Variants in CFI observed in about 807,000 individuals in gnomAD.
CFI encodes the protein complement factor I, also known as C3B/C4B inactivator.
Under a neutral mutation model 78.8 loss-of-function variants are expected in CFI, and 66 were observed. The observed-to-expected ratio is 0.84, with a 90% CI of 0.69 to 1.03. CFI has a LOEUF of 1.03. CFI is among the 50% of genes least tolerant of loss of function. CFI has a pLI of 0.00. For synonymous variants in CFI, 250 were observed against 232.6 expected (o/e 1.07, Z -0.68); for missense variants, 706 against 704.5 (o/e 1.00, Z -0.02).
At chr4:109,779,864 A>G (rs1441807617) in intron 1 of CFI, among the ~76,000 whole-genome samples, 1 of 152,172 alleles carries the variant, frequency 6.6e-6, no homozygotes, top group Non-Finnish European at 1.5e-5. Context: ...GACAAACCTG[A>G]CAACAAGAAA....
intron 7 of CFI, 60 bp from the exon 8 acceptor site, chr4:109,752,563 A>G (rs768444068): frequency 3.8e-5 from 53 of 1,383,526 alleles, no homozygotes; most frequent in Non-Finnish European, 4.7e-5. Flanking sequence ...AAATGAAATC[A>G]TTAAAATCAT....
At chr4:109,763,346 C>T (rs746484264) in intron 3 of CFI, among the ~76,000 whole-genome samples, 4 of 151,952 alleles carry the variant, frequency 2.6e-5, no homozygotes, top group South Asian at 2.1e-4. Context: ...AAATATAATG[C>T]ATAATTTTCA....
the CFI span, among the ~76,000 whole-genome samples, chr4:109,732,779 C>T: frequency 6.6e-6 from 1 of 150,800 alleles, no homozygotes. Flanking sequence ...ATGGCGTGAA[C>T]CCGGGAGGCA....
intron 12 of CFI, chr4:109,741,362 G>T (rs901631826): frequency 9.1e-6 from 9 of 985,234 alleles, no homozygotes; most frequent in Admixed American, 6.2e-5. Flanking sequence ...ATACGACTGA[G>T]TACTGAGATG....
At chr4:109,733,334 G>A in the CFI span, among the ~76,000 whole-genome samples, 1 of 152,260 alleles carries the variant, frequency 6.6e-6, no homozygotes, top group Non-Finnish European at 1.5e-5. Flanking sequence ...GGCATAAACT[G>A]TTTGAAAAGA....
chr4:109,746,058 C>T (rs927897314), intron 11 of CFI, among the ~76,000 whole-genome samples, 164 bp downstream of exon 11: 3 of 152,206 alleles, frequency 2.0e-5, no homozygotes, highest in Non-Finnish European at 2.9e-5. Flanking sequence ...TGCTGGGCAG[C>T]TGCACATGCT....
At chr4:109,737,417 T>A (rs1463134502), downstream of CFI, among the ~76,000 whole-genome samples, 1 of 152,178 alleles carries the variant, frequency 6.6e-6, no homozygotes, top group Non-Finnish European at 1.5e-5. Flanking sequence ...CTTTAATATG[T>A]CAGGCTGGTT....
At chr4:109,785,206 G>A (rs1358017567) in intron 1 of CFI, among the ~76,000 whole-genome samples, 1 of 152,022 alleles carries the variant, frequency 6.6e-6, no homozygotes, top group Non-Finnish European at 1.5e-5. Context: ...TGATTAAAAA[G>A]CTTTATTGCT....
At position 109,761,530 on chromosome 4, in the gene CFI, A is replaced by G. The variant is rs140824635; in HGVS notation, c.645T>C (p.Tyr215=). Residue 215 remains tyrosine, a synonymous_variant, in exon 4 of 13, where the codon TAT becomes TAC. Coordinates refer to ENST00000394634, the MANE Select transcript of CFI (RefSeq NM_000204.5). The part of the protein sequence containing the change: ...GYQDFADVVC[Y]TQKADSPMDD... ...TACTCCACCAACCTGCTTTCTGTGT[A>G]TAACAAACCACATCAGCGAAATCCT... 2.0e-5 allele frequency: 33 copies of G among 1,614,030 alleles called. No homozygotes were observed. The highest frequency in any genetic ancestry group is 2.7e-5 in the African/African-American group (2 of 74,926).
intron 1 of CFI, among the ~76,000 whole-genome samples, chr4:109,791,330 T>C (rs1166215740): frequency 2.0e-5 from 3 of 152,276 alleles, no homozygotes; most frequent in East Asian, 3.9e-4. Flanking sequence ...TCCTTATAGA[T>C]ACTAGATATT....
chr4:109,759,980 T>G lies in CFI; in HGVS notation c.883+290A>C, dbSNP rs116750895. The G allele has an allele frequency of 0.053, 27,455 of 522,320 alleles. 872 individuals are homozygous for G. The highest frequency in any genetic ancestry group is 0.11 in the Middle Eastern group (199 of 1,874). 32.4% of individuals were successfully genotyped at this position (522,320 alleles called of 1,614,324 possible). ...AGAGAGATAAGCAAGATTGGCAAACTATCAATAACTTGCAGGTGGAAAATG... is the reference window on the plus strand; with the variant it reads ...AGAGAGATAAGCAAGATTGGCAAACGATCAATAACTTGCAGGTGGAAAATG... On this transcript the variant is annotated intron_variant, in intron 6 of 12. Coordinates refer to ENST00000394634, the MANE Select transcript of CFI (RefSeq NM_000204.5).
In CFI at chr4:109,760,391, A is replaced by C. The variant is rs777966159; in HGVS notation, c.773-11T>G. 3 of 1,605,524 alleles carry C rather than the reference A, an allele frequency of 1.9e-6. No individual in the cohort carries two copies. In the African/African-American group the frequency reaches 4.0e-5, roughly 21 times the overall value. On this transcript the variant is annotated splice_polypyrimidine_tract_variant and intron_variant, in intron 5 of 12. Transcript: ENST00000394634. Reference sequence around the variant, plus strand: ...CTTTGCCTTGGCATGCTGTGCAAACATAAGCAGGAGAGGTTTTTTTCATTC... The same window carrying C: ...CTTTGCCTTGGCATGCTGTGCAAACCTAAGCAGGAGAGGTTTTTTTCATTC...
intron 11 of CFI, among the ~76,000 whole-genome samples, chr4:109,744,439 C>G (rs1458225793): frequency 2.0e-5 from 3 of 152,160 alleles, no homozygotes; most frequent in Non-Finnish European, 2.9e-5. Context: ...AGAGCCTGAC[C>G]TGTGGCCTCT....
intron 7 of CFI, among the ~76,000 whole-genome samples, chr4:109,753,051 T>TATAAATAA (rs1489794288): frequency 1.5e-3 from 28 of 18,160 alleles, no homozygotes; most frequent in East Asian, 4.2e-3. Context: ...ATATTTATTA[T>TATAAATAA]ATATTTATAT....
chr4:109,750,902 C>T (rs1401602440), intron 8 of CFI, among the ~76,000 whole-genome samples: 1 of 152,118 alleles, frequency 6.6e-6, no homozygotes, highest in Non-Finnish European at 1.5e-5. Context: ...TCCAGTTTAT[C>T]TATTATTCCT....
chr4:109,749,362 T>A (rs776543806), intron 9 of CFI, 41 bp from the exon 10 acceptor site: 1 of 1,565,632 alleles, frequency 6.4e-7, no homozygotes, highest in African/African-American at 1.4e-5. Flanking sequence ...TTCTAACAGA[T>A]AGCGATACAA....
At chr4:109,731,239 G>T in the CFI span, among the ~76,000 whole-genome samples, 13 of 151,996 alleles carry the variant, frequency 8.6e-5, no homozygotes, top group African/African-American at 3.1e-4. Flanking sequence ...CCAGCTACTC[G>T]GGAGGCGGAG....
intron 1 of CFI, among the ~76,000 whole-genome samples, chr4:109,790,079 G>A (rs770763119): frequency 4.6e-5 from 7 of 151,902 alleles, no homozygotes; most frequent in South Asian, 4.1e-4. Context: ...AATATTTCTA[G>A]GTTATCTAAT....
chr4:109,760,018 T>C, intron 6 of CFI: 1 of 624,082 alleles, frequency 1.6e-6, no homozygotes. Context: ...TACTTAAGGA[T>C]TGGTTCTAAT....
Sources: allele counts gnomAD v4.1 joint callset (sites outside exome capture counted in the v4.1 genomes callset), GRCh38; gene constraint gnomAD v4.1.1; transcripts MANE v1.5; gene names NCBI Gene and HGNC (gene_info 2026-07-23, HGNC 2026-07-21).